Variants in CNTN4 observed in about 807,000 individuals in gnomAD.
CNTN4 encodes the protein contactin 4.
In CNTN4, 77 loss-of-function variants were observed where a neutral mutation model predicts 122.5. The ratio of observed to expected loss-of-function variants is 0.63; its 90% CI spans 0.52 to 0.76. The LOEUF is 0.76. CNTN4 is among the 30% of genes least tolerant of loss of function. The probability of loss-of-function intolerance (pLI) is 0.00; values close to 1 mark genes in which losing one functional copy is unlikely to be tolerated. For missense variants in CNTN4, 1,256 were observed against 1,259.1 expected (o/e 1.00, Z 0.04); for synonymous variants, 512 against 447.0 (o/e 1.15, Z -1.83).
chr3:2,671,399 G>A (rs961160390), intron 4 of CNTN4, among the ~76,000 whole-genome samples: 10 of 152,052 alleles, frequency 6.6e-5, no homozygotes, highest in Non-Finnish European at 1.3e-4. Flanking sequence ...TGAAGCTTGT[G>A]CGTTCGTCAC....
intron 3 of CNTN4, among the ~76,000 whole-genome samples, chr3:2,352,024 G>T (rs1215779604): frequency 6.6e-6 from 1 of 152,092 alleles, no homozygotes; most frequent in Non-Finnish European, 1.5e-5. Context: ...AATCATTTTT[G>T]ATTTTTACAT....
chr3:2,480,058 G>A lies in CNTN4; in HGVS notation c.-88-91358G>A, dbSNP rs142740809. 5.5e-4 allele frequency among the ~76,000 whole-genome samples: 84 copies of A among 152,158 alleles called. No individual in the cohort carries two copies. The East Asian group carries it at 0.015, about 26-fold the overall frequency. Reference sequence around the variant, plus strand: ...ACTAGATGCAGAAAAGCATTTGACAGATTCAACACTCATTCATGATAAGAA... The same window carrying A: ...ACTAGATGCAGAAAAGCATTTGACAAATTCAACACTCATTCATGATAAGAA... On this transcript the variant is annotated intron_variant, in intron 3 of 24. Coordinates refer to ENST00000418658, the MANE Select transcript of CNTN4 (RefSeq NM_175607.3).
At chr3:2,624,418 G>A (rs1234534666) in intron 4 of CNTN4, among the ~76,000 whole-genome samples, 1 of 151,988 alleles carries the variant, frequency 6.6e-6, no homozygotes, top group Non-Finnish European at 1.5e-5. Flanking sequence ...TTTGCCACAA[G>A]TCAGCATCTA....
At chr3:2,122,109 T>G (rs377539417) in intron 2 of CNTN4, among the ~76,000 whole-genome samples, 3 of 150,698 alleles carry the variant, frequency 2.0e-5, no homozygotes, top group Admixed American at 6.6e-5. Flanking sequence ...GAGCTGAGAT[T>G]GCGCCACTGC....
chr3:2,635,430 T>C (rs1418822925), intron 4 of CNTN4, among the ~76,000 whole-genome samples: 1 of 152,204 alleles, frequency 6.6e-6, no homozygotes, highest in Non-Finnish European at 1.5e-5. Context: ...GTGAAAAATC[T>C]GTGAGTAAAA....
chr3:2,494,980 A>G (rs904188757), intron 3 of CNTN4, among the ~76,000 whole-genome samples: 2 of 152,232 alleles, frequency 1.3e-5, no homozygotes, highest in African/African-American at 2.4e-5. Context: ...CTATACTTGT[A>G]TATACATTTT....
At chr3:2,323,494 C>G (rs2043342812) in intron 2 of CNTN4, among the ~76,000 whole-genome samples, 1 of 152,178 alleles carries the variant, frequency 6.6e-6, no homozygotes, top group Non-Finnish European at 1.5e-5. Context: ...TTTGTACAGA[C>G]TTTTAGAAGT....
At chr3:2,391,494 A>C (rs188362927) in intron 3 of CNTN4, among the ~76,000 whole-genome samples, 3 of 152,290 alleles carry the variant, frequency 2.0e-5, no homozygotes, top group Non-Finnish European at 4.4e-5. Context: ...CACAGCAATA[A>C]AGTCACAGAT....
In CNTN4 at chr3:2,212,137, A is replaced by AT. The variant is rs113513671; in HGVS notation, c.-145+111507dup. On this transcript the variant is annotated intron_variant, in intron 2 of 24. Coordinates refer to ENST00000418658, the MANE Select transcript of CNTN4 (RefSeq NM_175607.3). Reference sequence around the variant, plus strand: ...CAGATGTGTGCCACCATACCTGGCTATTTTTTTTTGTATTTTTTGTAGAGA... The same window carrying AT: ...CAGATGTGTGCCACCATACCTGGCTATTTTTTTTTTGTATTTTTTGTAGAGA... Among the ~76,000 whole-genome samples the AT allele has an allele frequency of 1.3e-3, 195 of 150,640 alleles. 1 individual carries two copies. Among genetic ancestry groups the AT allele is most frequent in the African/African-American group, 4.4e-3 (180 of 41,070 alleles).
At chr3:2,445,079 C>T (rs11129148) in intron 3 of CNTN4, among the ~76,000 whole-genome samples, 54,220 of 151,732 alleles carry the variant, frequency 0.36, 11,326 homozygotes, top group East Asian at 0.76. Flanking sequence ...ATTGAGTGTC[C>T]ATTTAAGCCT....
intron 3 of CNTN4, among the ~76,000 whole-genome samples, chr3:2,427,254 A>T (rs7639143): frequency 0.34 from 51,170 of 151,688 alleles, 10,021 homozygotes; most frequent in East Asian, 0.74. Context: ...TGGGTGCCAG[A>T]GATTCTGGTA....
intron 13 of CNTN4, among the ~76,000 whole-genome samples, chr3:2,955,394 C>T (rs531420506): frequency 1.8e-4 from 28 of 152,272 alleles, no homozygotes; most frequent in African/African-American, 6.7e-4. Flanking sequence ...ACAAAATACA[C>T]ACAAACTCAT....
chr3:2,798,795 G>A (rs2092275540), intron 6 of CNTN4, among the ~76,000 whole-genome samples: 1 of 152,102 alleles, frequency 6.6e-6, no homozygotes, highest in Non-Finnish European at 1.5e-5. Context: ...ACAGGTGTTA[G>A]CCACTGCACC....
rs71058653 is a variant in CNTN4, at chr3:2,834,898, C to CTTTTTTTTTTTTTTTTTTTTTTTTTTTTT, written c.454+15341_454+15342insTTTTTTTTTTTTTTTTTTTTTTTTTTTTT. ...AAGCATTAAATTAGATAAAGGCAAC[C>CTTTTTTTTTTTTTTTTTTTTTTTTTTTTT]TTTTTTTTTTTTTTTTTTTTTTTTG... On this transcript the variant is annotated intron_variant, in intron 7 of 24. Coordinates refer to ENST00000418658, the MANE Select transcript of CNTN4 (RefSeq NM_175607.3). Among the ~76,000 whole-genome samples the CTTTTTTTTTTTTTTTTTTTTTTTTTTTTT allele has an allele frequency of 6.0e-4, 36 of 60,460 alleles. 8 individuals are homozygous for CTTTTTTTTTTTTTTTTTTTTTTTTTTTTT. Among genetic ancestry groups the CTTTTTTTTTTTTTTTTTTTTTTTTTTTTT allele is most frequent in the East Asian group, 1.2e-3 (2 of 1,642 alleles). The allele number at this position is 60,460 out of a possible 152,430, so 39.7% of individuals were successfully genotyped here.
chr3:2,352,616 C>A (rs2044677105), intron 3 of CNTN4, among the ~76,000 whole-genome samples: 1 of 152,172 alleles, frequency 6.6e-6, no homozygotes, highest in South Asian at 2.1e-4. Flanking sequence ...CGGGCCTCTG[C>A]TGCCTCCCCT....
At chr3:2,209,426 C>T (rs1424539593) in intron 2 of CNTN4, among the ~76,000 whole-genome samples, 2 of 152,122 alleles carry the variant, frequency 1.3e-5, no homozygotes, top group Non-Finnish European at 2.9e-5. Flanking sequence ...TGTTATACCC[C>T]TTTATAGATG....
At chr3:2,116,362 G>A (rs1272951597) in intron 2 of CNTN4, among the ~76,000 whole-genome samples, 1 of 152,098 alleles carries the variant, frequency 6.6e-6, no homozygotes, top group African/African-American at 2.4e-5. Context: ...GAGGGGAGAC[G>A]TGTTTATGGG....
intron 3 of CNTN4, among the ~76,000 whole-genome samples, chr3:2,569,099 C>T (rs754473638): frequency 6.6e-6 from 1 of 152,122 alleles, no homozygotes; most frequent in Non-Finnish European, 1.5e-5. Context: ...TGAACATATC[C>T]AATTAGAGAT....
chr3:2,866,438 C>T, intron 7 of CNTN4: 5 of 1,198,822 alleles, frequency 4.2e-6, no homozygotes, highest in Non-Finnish European at 5.2e-6. Flanking sequence ...TTACTCAATA[C>T]ATGTTACATA....
Sources: allele counts gnomAD v4.1 joint callset (sites outside exome capture counted in the v4.1 genomes callset), GRCh38; gene constraint gnomAD v4.1.1; transcripts MANE v1.5; gene names NCBI Gene and HGNC (gene_info 2026-07-23, HGNC 2026-07-21).